The following ASIC1 variants were observed in gnomAD, a reference collection of about 807,000 sequenced individuals.
ASIC1 encodes acid-sensing ion channel 1.
A neutral mutation model predicts 63.4 loss-of-function variants in ASIC1; 21 were observed. The observed-to-expected ratio is 0.33, with a 90% CI of 0.23 to 0.48. The LOEUF is 0.48. Ranked by LOEUF, ASIC1 falls within the 20% of genes least tolerant of loss-of-function variation. The probability of loss-of-function intolerance (pLI) is 0.99; values close to 1 mark genes in which losing one functional copy is unlikely to be tolerated. For synonymous variants in ASIC1, 258 were observed against 278.2 expected, an observed-to-expected ratio of 0.93 and a Z score of 0.72; for missense variants, 478 against 695.5, an observed-to-expected ratio of 0.69 and a Z score of 3.52.
intron 3 of ASIC1, among the ~76,000 whole-genome samples, chr12:50,073,282 AC>A (rs1303400685): frequency 6.6e-6 from 1 of 152,058 alleles, no homozygotes; most frequent in African/African-American, 2.4e-5. Context: ...GGAGCTGGTG[AC>A]AGGAAAGGGG....
In ASIC1 at chr12:50,081,267, A is replaced by G. The variant is rs754267617; in HGVS notation, c.1385A>G (p.Lys462Arg). Residue 462 changes from lysine (K) to arginine (R), a missense_variant, in exon 11 of 12, where the codon AAG becomes AGG. Lys to Arg is a conservative substitution (Grantham distance 26). Transcript: ENST00000447966. Reference protein sequence around the residue: ...ELFDYAYEVIKHKLCRRGKCQ... With the variant: ...ELFDYAYEVIRHKLCRRGKCQ... ...GCCCCGTCCCCGTCCTAGGTCATTA[A>G]GCACAAGCTGTGCCGACGAGGAAAA... 7 of 1,608,408 alleles carry G rather than the reference A, an allele frequency of 4.4e-6. No individual in the cohort carries two copies. The East Asian group carries it at 1.6e-4, about 36-fold the overall frequency.
chr12:50,071,326 G>C (rs1008023420), intron 3 of ASIC1, among the ~76,000 whole-genome samples: 1 of 150,292 alleles, frequency 6.7e-6, no homozygotes, highest in Non-Finnish European at 1.5e-5. Flanking sequence ...GAGTGCAGTG[G>C]CTCAGTCTCG....
In ASIC1 at chr12:50,078,711, T is replaced by C; in HGVS notation, c.994+134T>C. ...CCCACACCCACCTGGCTCATGTCTC[T>C]CTGACCTCAGTTCCCGCCTGCACCC... On this transcript the variant is annotated intron_variant, in intron 6 of 11. Coordinates refer to ENST00000447966, the MANE Select transcript of ASIC1 (RefSeq NM_001095.4). The surrounding 1 kb of genome is among the most constrained non-coding windows in gnomAD (Gnocchi z 6.0). The C allele has an allele frequency of 7.0e-7, 1 of 1,438,390 alleles. No individual in the cohort carries two copies. The highest frequency in any genetic ancestry group is 9.6e-7 in the Non-Finnish European group (1 of 1,041,270). 89.1% of individuals were successfully genotyped at this position (1,438,390 alleles called of 1,614,324 possible).
chr12:50,069,810 A>G (rs912492642), intron 3 of ASIC1, among the ~76,000 whole-genome samples: 29 of 152,180 alleles, frequency 1.9e-4, no homozygotes, highest in African/African-American at 5.5e-4. Flanking sequence ...GGGCAGGTCC[A>G]TGATGTGTTC....
intron 3 of ASIC1, among the ~76,000 whole-genome samples, chr12:50,065,387 G>A (rs1445756429): frequency 6.6e-6 from 1 of 152,258 alleles, no homozygotes; most frequent in East Asian, 1.9e-4. Context: ...TTTGGGCAAA[G>A]TTCCACCTGG....
intron 7 of ASIC1, among the ~76,000 whole-genome samples, 199 bp from the exon 8 acceptor site, chr12:50,079,703 G>A (rs571769340): frequency 6.6e-6 from 1 of 152,292 alleles, no homozygotes; most frequent in Admixed American, 6.5e-5. Context: ...GGGTTCAGCA[G>A]GTAAAGTCCT....
intron 9 of ASIC1, 46 bp downstream of exon 9, chr12:50,080,635 G>T: frequency 1.2e-6 from 2 of 1,614,190 alleles, no homozygotes; most frequent in Non-Finnish European, 8.5e-7. Context: ...CATGGGCATG[G>T]CGTGGCTCCC....
At position 50,077,926 on chromosome 12, in the gene ASIC1, T is replaced by C. The variant is rs1344213010; in HGVS notation, c.710-74T>C. 8 of 1,535,094 alleles carry C rather than the reference T, an allele frequency of 5.2e-6. No individual in the cohort carries two copies. The East Asian group carries it at 9.1e-5, about 17-fold the overall frequency. ...ACCCTATGCTTATTTCCAGGAGAGG[T>C]AGGATGCCCCCAGGTCTGAGGGGTG... On this transcript the variant is annotated intron_variant, in intron 4 of 11. Coordinates refer to ENST00000447966, the MANE Select transcript of ASIC1 (RefSeq NM_001095.4).
intron 3 of ASIC1, 66 bp downstream of exon 3, chr12:50,060,020 A>T: frequency 6.4e-7 from 1 of 1,567,630 alleles, no homozygotes; most frequent in Non-Finnish European, 8.7e-7. Flanking sequence ...GACAAGGAGC[A>T]GGCTGGGCCT....
intron 10 of ASIC1, 29 bp from the exon 11 acceptor site, chr12:50,081,231 C>G (rs1248314302): frequency 6.2e-7 from 1 of 1,604,468 alleles, no homozygotes; most frequent in Non-Finnish European, 8.5e-7. Flanking sequence ...CGGGGTCCAG[C>G]CCGCCCACCT....
Position 50,078,257 on chromosome 12 carries a change from A to G in ASIC1, c.837+130A>G. On this transcript the variant is annotated intron_variant, in intron 5 of 11. Transcript: ENST00000447966. This position sits in a 1 kb window ranked among gnomAD's most constrained non-coding sequence, Gnocchi z 6.0. Reference sequence around the variant, plus strand: ...GGTAATCTGGCTAGTCAGAAGCATGAGTGATCGAATGAACAAGAATGCTCT... The same window carrying G: ...GGTAATCTGGCTAGTCAGAAGCATGGGTGATCGAATGAACAAGAATGCTCT... The G allele has an allele frequency of 6.6e-7, 1 of 1,511,880 alleles. No individual in the cohort carries two copies. The highest frequency in any genetic ancestry group is 1.3e-5 in the South Asian group (1 of 77,000). 93.7% of individuals were successfully genotyped at this position (1,511,880 alleles called of 1,614,324 possible). A position where few individuals can be genotyped will look rare whatever the true frequency, so the allele number is the denominator to read the frequency against.
intron 8 of ASIC1, 200 bp from the exon 9 acceptor site, chr12:50,080,298 G>A: frequency 2.7e-6 from 2 of 752,512 alleles, no homozygotes; most frequent in Non-Finnish European, 4.4e-6. Context: ...CTTTATACTT[G>A]ATGCATACTG....
At chr12:50,061,489 T>C (rs1307003667) in intron 3 of ASIC1, among the ~76,000 whole-genome samples, 1 of 152,192 alleles carries the variant, frequency 6.6e-6, no homozygotes, top group African/African-American at 2.4e-5. Context: ...CCAGAGGGTT[T>C]GCAGTCTCAC....
intron 7 of ASIC1, among the ~76,000 whole-genome samples, chr12:50,079,549 GGAAGT>G (rs1200821286): frequency 1.3e-5 from 2 of 152,202 alleles, no homozygotes; most frequent in African/African-American, 4.8e-5. Context: ...AGGGTCCTGA[GGAAGT>G]GAGATATAAG....
chr12:50,076,807 C>A, intron 3 of ASIC1: 1 of 372,634 alleles, frequency 2.7e-6, no homozygotes, highest in Admixed American at 3.6e-5. Context: ...CAAAAGAAGA[C>A]AGTGCTCTGT....
intron 3 of ASIC1, chr12:50,073,941 C>A: frequency 3.9e-6 from 6 of 1,535,922 alleles, no homozygotes; most frequent in Non-Finnish European, 5.2e-6. Flanking sequence ...GCTACCCACA[C>A]GTGACCCTTC....
intron 11 of ASIC1, 49 bp downstream of exon 11, chr12:50,081,413 C>A (rs1486501012): frequency 6.5e-7 from 1 of 1,532,402 alleles, no homozygotes; most frequent in East Asian, 2.4e-5. Flanking sequence ...GCCTCCACCG[C>A]CCCAGGAACC....
Position 50,078,142 on chromosome 12 carries a change from G to A in ASIC1, c.837+15G>A. On this transcript the variant is annotated intron_variant, in intron 5 of 11. Coordinates refer to ENST00000447966, the MANE Select transcript of ASIC1 (RefSeq NM_001095.4). This position sits in a 1 kb window ranked among gnomAD's most constrained non-coding sequence, Gnocchi z 6.0. ...AGGAGCAGCGGGTGAGAGGGCCATG[G>A]GAGGCTGGTCCTGGGGTGGGGTATT... is the stretch of plus-strand genomic sequence containing the variant. The A allele has an allele frequency of 6.2e-7, 1 of 1,609,380 alleles. No homozygotes were observed. Among genetic ancestry groups the A allele is most frequent in the South Asian group, 1.1e-5 (1 of 90,408 alleles).
chr12:50,079,751 G>T, intron 7 of ASIC1, 151 bp from the exon 8 acceptor site: 1 of 990,232 alleles, frequency 1.0e-6, no homozygotes, highest in Non-Finnish European at 1.5e-6. Flanking sequence ...GTAGGATGTT[G>T]GCAGAGTTTA....
Sources: gnomAD v4.1 joint callset for allele counts (sites outside exome capture counted in the v4.1 genomes callset) on GRCh38, gnomAD v4.1.1 for gene constraint, Gnocchi (gnomAD v3.1) non-coding constraint, MANE v1.5 for transcripts, NCBI Gene and HGNC (gene_info 2026-07-23, HGNC 2026-07-21) for gene names.